GATC: variants seen among roughly 807,000 people sequenced by gnomAD.
GATC encodes glutamyl-tRNA(Gln) amidotransferase subunit C, mitochondrial.
In GATC, 11 loss-of-function variants were observed where a neutral mutation model predicts 14.4. The ratio of observed to expected loss-of-function variants is 0.77; its 90% CI spans 0.48 to 1.27. The LOEUF is 1.27. Ranked by LOEUF, GATC falls within the 50% of genes most tolerant of loss-of-function variation. The probability of loss-of-function intolerance (pLI) is 0.00; values close to 1 mark genes in which losing one functional copy is unlikely to be tolerated. For synonymous variants in GATC, 76 were observed against 79.3 expected (o/e 0.96, Z 0.22); for missense variants, 204 against 183.0 (o/e 1.11, Z -0.66).
chr12:120,457,263 A>G, intron 3 of GATC, 84 bp downstream of exon 3: 1 of 1,001,380 alleles, frequency 1.0e-6, no homozygotes, highest in African/African-American at 1.6e-5. Context: ...CAAAGATGCT[A>G]TGTGAAGGCA....
Position 120,462,195 on chromosome 12 carries a change from G to A in GATC, c.*2236G>A. 1.3e-6 allele frequency: 2 copies of A among 1,575,948 alleles called. No homozygotes were observed. The highest frequency in any genetic ancestry group is 1.7e-6 in the Non-Finnish European group (2 of 1,159,630). ...GCAAACAAAAACAAAAAGAGTAAAG[G>A]GGAAAAAAATCAGAGCCAGAAGAAT... On this transcript the variant is annotated 3_prime_UTR_variant, in exon 4 of 4. Transcript: ENST00000551765.
At chr12:120,456,090 C>T (rs1592986520) in intron 2 of GATC, among the ~76,000 whole-genome samples, 2 of 152,168 alleles carry the variant, frequency 1.3e-5, no homozygotes, top group South Asian at 2.1e-4. Flanking sequence ...TCAGTCTGTG[C>T]CCACTCAAAG....
In GATC at chr12:120,460,581, G is replaced by A. The variant is rs1420762469; in HGVS notation, c.*622G>A. 1 of 152,264 alleles carries A rather than the reference G, an allele frequency of 6.6e-6. No individual in the cohort carries two copies. The highest frequency in any genetic ancestry group is 1.9e-4 in the East Asian group (1 of 5,192). 9.4% of individuals were successfully genotyped at this position (152,264 alleles called of 1,614,324 possible). On this transcript the variant is annotated 3_prime_UTR_variant, in exon 4 of 4. Coordinates refer to ENST00000551765, the MANE Select transcript of GATC (RefSeq NM_176818.3). ...AGTCATACCTAGTGTTTCTCTTTCT[G>A]AAAAGAGAACTTATCCTAAAATTAG...
In GATC at chr12:120,457,151, C is replaced by T. The variant is rs372503358; in HGVS notation, c.330C>T (p.Val110=). The T allele has an allele frequency of 3.1e-6, 5 of 1,613,692 alleles. No homozygotes were observed. The highest frequency in any genetic ancestry group is 1.6e-4 in the Middle Eastern group (1 of 6,084). The part of the protein sequence containing the change: ...ADELLQNSHR[V]VEEYFVAPPG... Reference sequence around the variant, plus strand: ...AATTACTACAAAACTCCCATCGCGTCGTGGAGGAGTACTTTGTGGCCCCCC... The same window carrying T: ...AATTACTACAAAACTCCCATCGCGTTGTGGAGGAGTACTTTGTGGCCCCCC... The change falls in exon 3 of 4, where the codon GTC becomes GTT. Residue 110 remains valine (V), a synonymous_variant. Coordinates refer to ENST00000551765, the MANE Select transcript of GATC (RefSeq NM_176818.3).
At position 120,446,487 on chromosome 12, in the gene GATC, T is replaced by C. The variant is rs1877865693; in HGVS notation, c.7T>C (p.Ser3Pro). The change falls in exon 1 of 4, where the codon TCG becomes CCG. Residue 3 changes from serine (S) to proline (P), a missense_variant. Coordinates refer to ENST00000551765, the MANE Select transcript of GATC (RefSeq NM_176818.3). ...GGGGCCAAGGAAGGAAGAAATGTGG[T>C]CGCGGTTGGTGTGGCTGGGCCTTCG... MW[S>P]RLVWLGLRAP... 1 of 1,607,114 alleles carries C rather than the reference T, an allele frequency of 6.2e-7. No individual in the cohort carries two copies. The highest frequency in any genetic ancestry group is 8.5e-7 in the Non-Finnish European group (1 of 1,175,776).
In GATC at chr12:120,460,500, T is replaced by G. The variant is rs1428307312; in HGVS notation, c.*541T>G. On this transcript the variant is annotated 3_prime_UTR_variant, in exon 4 of 4. Transcript: ENST00000551765. Reference sequence around the variant, plus strand: ...TGAAAGTAGACTAGAGCTTGGGAACTCCTAACCTAGAACTATCTGCCATCC... The same window carrying G: ...TGAAAGTAGACTAGAGCTTGGGAACGCCTAACCTAGAACTATCTGCCATCC... 6.6e-6 allele frequency: 1 copy of G among 152,250 alleles called. No homozygotes were observed. The highest frequency in any genetic ancestry group is 2.4e-5 in the African/African-American group (1 of 41,422). 9.4% of individuals were successfully genotyped at this position (152,250 alleles called of 1,614,324 possible).
At chr12:120,459,680 C>G (rs1014885274) in intron 3 of GATC, among the ~76,000 whole-genome samples, 4 of 152,122 alleles carry the variant, frequency 2.6e-5, no homozygotes, top group Non-Finnish European at 4.4e-5. Context: ...CACGGTGAAA[C>G]CCCGTCTCTA....
chr12:120,462,186 A>C lies in GATC; in HGVS notation c.*2227A>C. ...CCCTGAAATGCAAACAAAAACAAAA[A>C]GAGTAAAGGGGAAAAAAATCAGAGC... On this transcript the variant is annotated 3_prime_UTR_variant, in exon 4 of 4. Coordinates refer to ENST00000551765, the MANE Select transcript of GATC (RefSeq NM_176818.3). 1 of 1,592,148 alleles carries C rather than the reference A, an allele frequency of 6.3e-7. No individual in the cohort carries two copies. Among genetic ancestry groups the C allele is most frequent in the Non-Finnish European group, 8.6e-7 (1 of 1,168,642 alleles).
intron 2 of GATC, among the ~76,000 whole-genome samples, chr12:120,451,513 AG>A (rs1878044217): frequency 6.6e-6 from 1 of 151,602 alleles, no homozygotes; most frequent in African/African-American, 2.4e-5. Flanking sequence ...AGGCTGAGGC[AG>A]GTGGATCACC....
At chr12:120,450,338 G>C (rs568512616) in intron 2 of GATC, 5 of 152,268 alleles carry the variant, frequency 3.3e-5, no homozygotes, top group Non-Finnish European at 5.9e-5. Flanking sequence ...TTAATGCTTT[G>C]AACACACAGA....
Position 120,446,457 on chromosome 12 carries a change from C to G in GATC, c.-24C>G. On this transcript the variant is annotated 5_prime_UTR_variant, in exon 1 of 4. Coordinates refer to ENST00000551765, the MANE Select transcript of GATC (RefSeq NM_176818.3). ...TCGCTCGGCGTTACGCGCGGGCGCACTGCGGGGGCCAAGGAAGGAAGAAAT... is the reference window on the plus strand; with the variant it reads ...TCGCTCGGCGTTACGCGCGGGCGCAGTGCGGGGGCCAAGGAAGGAAGAAAT... 1 of 1,604,704 alleles carries G rather than the reference C, an allele frequency of 6.2e-7. No homozygotes were observed.
intron 2 of GATC, among the ~76,000 whole-genome samples, chr12:120,447,178 G>A (rs1409617727): frequency 2.6e-5 from 4 of 151,282 alleles, no homozygotes; most frequent in Non-Finnish European, 1.5e-5. Flanking sequence ...CCGTGTTCAA[G>A]CAATTCTCTG....
rs376375391 is a variant in GATC at position 120,446,678 on chromosome 12, G to A, written c.103G>A (p.Ala35Thr). 183 of 1,613,012 alleles carry A rather than the reference G, an allele frequency of 1.1e-4. No homozygotes were observed. The highest frequency in any genetic ancestry group is 6.6e-4 in the Middle Eastern group (4 of 6,058). ...CCAGGGCAGTGGCCGGATCACGGCT[G>A]CGGTGATCGAGCACCTGGAGCGTCT... is the stretch of plus-strand genomic sequence containing the variant. ...DPQGSGRITA[A>T]VIEHLERLAL... The change falls in exon 2 of 4, where the codon GCG becomes ACG. Residue 35 changes from alanine to threonine, a missense_variant. Transcript: ENST00000551765.
At chr12:120,446,995 A>G (rs1877889295) in intron 2 of GATC, among the ~76,000 whole-genome samples, 166 bp downstream of exon 2, 1 of 151,848 alleles carries the variant, frequency 6.6e-6, no homozygotes, top group Non-Finnish European at 1.5e-5. Context: ...CCCCTTGTTC[A>G]TTACTGATGC....
At chr12:120,451,875 C>CTTTTTTTTTTTTCTTTTTTTTTTTTT (rs1592984307) in intron 2 of GATC, among the ~76,000 whole-genome samples, 26 of 90,842 alleles carry the variant, frequency 2.9e-4, no homozygotes, top group Non-Finnish European at 4.3e-4. Flanking sequence ...TATATAAATT[C>CTTTTTTTTTTTTCTTTTTTTTTTTTT]TTTTTTTTTT....
At position 120,461,466 on chromosome 12, in the gene GATC, T is replaced by G. The variant is rs1878336978; in HGVS notation, c.*1507T>G. ...GCAGCCTAATTTACAAGCTTGGCCT[T>G]GAATTAAAAGAGAACCCAGAACCCG... On this transcript the variant is annotated 3_prime_UTR_variant, in exon 4 of 4. Coordinates refer to ENST00000551765, the MANE Select transcript of GATC (RefSeq NM_176818.3). 6.6e-6 allele frequency: 1 copy of G among 152,140 alleles called. No individual in the cohort carries two copies. The highest frequency in any genetic ancestry group is 1.9e-4 in the East Asian group (1 of 5,196). The allele number at this position is 152,140 out of a possible 1,614,324, so 9.4% of individuals were successfully genotyped here.
chr12:120,446,775 T>A lies in GATC; in HGVS notation c.200T>A (p.Leu67Gln), dbSNP rs1420245393. 2 of 1,613,812 alleles carry A rather than the reference T, an allele frequency of 1.2e-6. No homozygotes were observed. Among genetic ancestry groups the A allele is most frequent in the Non-Finnish European group, 1.7e-6 (2 of 1,180,030 alleles). The part of the protein sequence containing the change: ...LEKAIAFADR[L>Q]RAVDTDGVEP... ...AAAGCTATCGCCTTCGCCGACCGGC[T>A]ACGCGCCGTGGACACAGACGGGGTG... The change falls in exon 2 of 4, where the codon CTA becomes CAA. Residue 67 changes from leucine to glutamine, a missense_variant. Leu to Gln is a moderately radical substitution (Grantham distance 113, BLOSUM62 -2). Transcript: ENST00000551765.
intron 2 of GATC, among the ~76,000 whole-genome samples, chr12:120,451,151 A>T (rs1274705442): frequency 5.4e-5 from 8 of 147,568 alleles, no homozygotes; most frequent in East Asian, 4.0e-4. Flanking sequence ...CTCAAAAAAA[A>T]AAAAAAAAAG....
rs1182530884 is a variant in GATC at position 120,461,053 on chromosome 12, A to G, written c.*1094A>G. The stretch of plus-strand genomic sequence containing the variant: ...GAGTTTTTCCTCTAACCAAACTGCC[A>G]AAGTTGGTTTTGGCTAAGAATTTCC... On this transcript the variant is annotated 3_prime_UTR_variant, in exon 4 of 4. Transcript: ENST00000551765. The G allele has an allele frequency of 6.6e-6, 1 of 151,012 alleles. No individual in the cohort carries two copies. Among genetic ancestry groups the G allele is most frequent in the Non-Finnish European group, 1.5e-5 (1 of 67,896 alleles). The allele number at this position is 151,012 out of a possible 1,614,324, so 9.4% of individuals were successfully genotyped here.
Sources: allele counts gnomAD v4.1 joint callset (sites outside exome capture counted in the v4.1 genomes callset), GRCh38; gene constraint gnomAD v4.1.1; transcripts MANE v1.5; gene names NCBI Gene and HGNC (gene_info 2026-07-23, HGNC 2026-07-21).